The following CDC73 variants were observed in gnomAD, a reference collection of about 807,000 sequenced individuals.
The protein encoded by CDC73 is cell division cycle 73.
CDC73 carries 21 observed loss-of-function variants against 83.7 expected under a neutral mutation model. The ratio of observed to expected loss-of-function variants is 0.25; its 90% CI spans 0.18 to 0.36. The LOEUF (loss-of-function observed/expected upper bound fraction) is 0.36, where lower values mean the gene tolerates loss of function less well. Ranked by LOEUF, CDC73 falls within the 10% of genes least tolerant of loss-of-function variation. The pLI, the probability that CDC73 is intolerant of heterozygous loss-of-function variation, is 1.00. For missense variants in CDC73, 342 were observed against 653.3 expected, an observed-to-expected ratio of 0.52 and a Z score of 5.19; for synonymous variants, 224 against 212.9, an observed-to-expected ratio of 1.05 and a Z score of -0.45.
At chr1:193,145,570 G>A (rs1247813485) in intron 7 of CDC73, among the ~76,000 whole-genome samples, 1 of 152,028 alleles carries the variant, frequency 6.6e-6, no homozygotes, top group South Asian at 2.1e-4. Flanking sequence ...ATGCTATTAT[G>A]TTTACATGGA....
intron 10 of CDC73, chr1:193,181,429 T>G: frequency 6.2e-7 from 1 of 1,614,096 alleles, no homozygotes. Flanking sequence ...CCAGTCATGA[T>G]GATTGAAAAA....
chr1:193,123,241 T>A (rs927811539), intron 1 of CDC73, among the ~76,000 whole-genome samples: 2 of 152,230 alleles, frequency 1.3e-5, no homozygotes, highest in African/African-American at 4.8e-5. Flanking sequence ...TATTTATTTA[T>A]TTTTGAGAGG....
intron 1 of CDC73, among the ~76,000 whole-genome samples, chr1:193,124,358 C>T (rs1459763419): frequency 6.6e-6 from 1 of 151,726 alleles, no homozygotes; most frequent in East Asian, 1.9e-4. Flanking sequence ...TTTCATAGTA[C>T]AATAATTGAT....
chr1:193,235,268 T>C (rs974512608), intron 14 of CDC73, among the ~76,000 whole-genome samples: 7 of 152,202 alleles, frequency 4.6e-5, no homozygotes, highest in Admixed American at 3.3e-4. Context: ...CTTCCTTTTC[T>C]CTGTACTTCT....
intron 10 of CDC73, among the ~76,000 whole-genome samples, chr1:193,193,315 C>T (rs191979203): frequency 6.6e-6 from 1 of 152,188 alleles, no homozygotes; most frequent in East Asian, 1.9e-4. Flanking sequence ...AACTGATAGC[C>T]TTGATGGATA....
In CDC73 at chr1:193,122,095, C is replaced by T. The variant is rs1000118573; in HGVS notation, c.-106C>T. On this transcript the variant is annotated 5_prime_UTR_variant, in exon 1 of 17. Coordinates refer to ENST00000367435, the MANE Select transcript of CDC73 (RefSeq NM_024529.5). Reference sequence around the variant, plus strand: ...TAGTGCTGCTGCTGTTGGTTCGTCGCGGCGGCGAAGGAGGAGGAGGAAGAG... The same window carrying T: ...TAGTGCTGCTGCTGTTGGTTCGTCGTGGCGGCGAAGGAGGAGGAGGAAGAG... 9.0e-7 allele frequency: 1 copy of T among 1,114,056 alleles called. No homozygotes were observed. Among genetic ancestry groups the T allele is most frequent in the Non-Finnish European group, 1.3e-6 (1 of 744,328 alleles). The allele number at this position is 1,114,056 out of a possible 1,614,324, so 69.0% of individuals were successfully genotyped here.
At chr1:193,134,428 T>C (rs1483977563) in intron 3 of CDC73, among the ~76,000 whole-genome samples, 1 of 152,066 alleles carries the variant, frequency 6.6e-6, no homozygotes, top group African/African-American at 2.4e-5. Flanking sequence ...CCCAGCACTT[T>C]GGGAGGCCGA....
At chr1:193,233,249 T>C (rs1677693276) in intron 14 of CDC73, 95 bp downstream of exon 14, 2 of 1,140,388 alleles carry the variant, frequency 1.8e-6, no homozygotes, top group Non-Finnish European at 2.7e-6. Context: ...TTTTAAGAGA[T>C]GGGGTCTCAC....
intron 10 of CDC73, among the ~76,000 whole-genome samples, chr1:193,198,447 G>A (rs112332442): frequency 2.2e-4 from 34 of 151,184 alleles, no homozygotes; most frequent in African/African-American, 7.7e-4. Context: ...TGAAGACACT[G>A]TCTGTCCCCT....
chr1:193,134,059 AACATT>A (rs1474035209), intron 3 of CDC73, among the ~76,000 whole-genome samples: 2 of 152,152 alleles, frequency 1.3e-5, no homozygotes, highest in Non-Finnish European at 2.9e-5. Flanking sequence ...GCAGCAGTCT[AACATT>A]ACAAATTTAA....
intron 10 of CDC73, among the ~76,000 whole-genome samples, chr1:193,167,715 G>A (rs1455686017): frequency 2.0e-5 from 3 of 151,954 alleles, no homozygotes; most frequent in Non-Finnish European, 2.9e-5. Context: ...TTTCATCTGA[G>A]TTGGGAATGT....
Position 193,187,908 on chromosome 1 carries a change from G to C in CDC73, c.973-15887G>C, listed in dbSNP as rs187296034. ...ACTTTTCCTAGTTAAGTTTGAAGGAGAGGACTAAAACCCAACTTCCTTGTA... is the reference window on the plus strand; with the variant it reads ...ACTTTTCCTAGTTAAGTTTGAAGGACAGGACTAAAACCCAACTTCCTTGTA... On this transcript the variant is annotated intron_variant, in intron 10 of 16. Coordinates refer to ENST00000367435, the MANE Select transcript of CDC73 (RefSeq NM_024529.5). Among the ~76,000 whole-genome samples, 741 of 152,254 alleles carry C rather than the reference G, an allele frequency of 4.9e-3. 6 individuals are homozygous for C. The highest frequency in any genetic ancestry group is 7.3e-3 in the Non-Finnish European group (495 of 67,996).
intron 10 of CDC73, among the ~76,000 whole-genome samples, chr1:193,155,793 C>G (rs2103136249): frequency 6.6e-6 from 1 of 152,042 alleles, no homozygotes; most frequent in African/African-American, 2.4e-5. Context: ...AAACAAAAAA[C>G]CCCACTAGAT....
intron 10 of CDC73, chr1:193,181,616 T>C: frequency 2.1e-6 from 3 of 1,411,884 alleles, no homozygotes; most frequent in Non-Finnish European, 2.9e-6. Flanking sequence ...AAATGTTTTC[T>C]TCTCCTTAAT....
chr1:193,126,850 A>G (rs992593182), intron 2 of CDC73, among the ~76,000 whole-genome samples: 2 of 152,236 alleles, frequency 1.3e-5, no homozygotes, highest in Admixed American at 6.5e-5. Context: ...GTTACCTAAC[A>G]CCGTTGCTGG....
chr1:193,156,530 G>GATA (rs1262683874), intron 10 of CDC73, among the ~76,000 whole-genome samples: 2 of 152,092 alleles, frequency 1.3e-5, no homozygotes, highest in African/African-American at 4.8e-5. Context: ...TTAGAGGTGT[G>GATA]ATAATATCAC....
chr1:193,211,039 A>G (rs1677269095), intron 11 of CDC73, among the ~76,000 whole-genome samples: 1 of 152,158 alleles, frequency 6.6e-6, no homozygotes, highest in Admixed American at 6.5e-5. Flanking sequence ...TTATTATGAA[A>G]TTATTTCTTG....
intron 10 of CDC73, among the ~76,000 whole-genome samples, chr1:193,176,890 C>T (rs963507906): frequency 1.3e-5 from 2 of 152,128 alleles, no homozygotes; most frequent in Non-Finnish European, 2.9e-5. Flanking sequence ...CTAAGTGCCA[C>T]CTGCCTGCTG....
intron 13 of CDC73, among the ~76,000 whole-genome samples, 192 bp from the exon 14 acceptor site, chr1:193,232,801 G>A (rs1195590352): frequency 3.3e-5 from 5 of 152,012 alleles, no homozygotes; most frequent in Non-Finnish European, 5.9e-5. Flanking sequence ...AACTTGGGAG[G>A]CTGAGGCAGG....
Sources: allele counts gnomAD v4.1 joint callset (sites outside exome capture counted in the v4.1 genomes callset), GRCh38; gene constraint gnomAD v4.1.1; transcripts MANE v1.5; gene names NCBI Gene and HGNC (gene_info 2026-07-23, HGNC 2026-07-21).